Variants in SELE observed in about 807,000 individuals in gnomAD.
SELE encodes E-selectin.
A neutral mutation model predicts 75.8 loss-of-function variants in SELE; 52 were observed. The ratio of observed to expected loss-of-function variants is 0.69; its 90% CI spans 0.55 to 0.86. The LOEUF is 0.86. Among genes scored for constraint, SELE ranks in the 40% least tolerant of loss-of-function variants. SELE has a pLI of 0.00. For missense variants in SELE, 754 were observed against 732.7 expected (o/e 1.03, Z -0.34); for synonymous variants, 285 against 258.7 (o/e 1.10, Z -0.98).
rs1456706907 is a variant in SELE at position 169,729,637 on chromosome 1, C to G, written c.752G>C (p.Gly251Ala). The G allele has an allele frequency of 1.2e-6, 2 of 1,614,068 alleles. No individual in the cohort carries two copies. The highest frequency in any genetic ancestry group is 1.7e-6 in the Non-Finnish European group (2 of 1,179,984). Residue 251 changes from glycine (G) to alanine (A), a missense_variant, in exon 6 of 14, where the codon GGG becomes GCG. Transcript: ENST00000333360. The stretch of plus-strand genomic sequence containing the variant: ...AGGGTTTTGGAAACATTCCACGAAC[C>G]CATTGGCTGGATTTGTCACAGCATC... Reference protein sequence around the residue: ...ECDAVTNPANGFVECFQNPGS... With the variant: ...ECDAVTNPANAFVECFQNPGS...
chr1:169,725,319 G>C (rs1391548356), intron 13 of SELE, among the ~76,000 whole-genome samples: 1 of 151,668 alleles, frequency 6.6e-6, no homozygotes, highest in Non-Finnish European at 1.5e-5. Flanking sequence ...GGAGGTGGAG[G>C]TTGCAGTGAG....
chr1:169,726,041 A>C (rs909679687), intron 11 of SELE, 113 bp from the exon 12 acceptor site: 3 of 1,198,334 alleles, frequency 2.5e-6, no homozygotes, highest in Middle Eastern at 2.6e-4. Context: ...TCGATGCTTC[A>C]GGGCCTCTGT....
chr1:169,733,915 T>G, intron 1 of SELE, 56 bp downstream of exon 1: 1 of 405,632 alleles, frequency 2.5e-6, no homozygotes, highest in Non-Finnish European at 4.5e-6. Context: ...AGAAGGCCTT[T>G]TGCATATCTG....
intron 11 of SELE, among the ~76,000 whole-genome samples, chr1:169,726,321 C>T (rs1272090255): frequency 6.6e-6 from 1 of 152,156 alleles, no homozygotes; most frequent in Non-Finnish European, 1.5e-5. Context: ...AGATGTGCTT[C>T]CATATTCCTT....
Position 169,731,906 on chromosome 1 carries a change from T to C in SELE, c.458A>G (p.Glu153Gly). 6.2e-7 allele frequency: 1 copy of C among 1,613,782 alleles called. No individual in the cohort carries two copies. Among genetic ancestry groups the C allele is most frequent in the Non-Finnish European group, 8.5e-7 (1 of 1,179,758 alleles). The change falls in exon 4 of 14, where the codon GAA becomes GGA. Residue 153 changes from glutamate (E) to glycine (G), a missense_variant. Coordinates refer to ENST00000333360, the MANE Select transcript of SELE (RefSeq NM_000450.2). ...GTAATTATTGATGGTCTCTACACAT[T>C]CACCGTGGCCACTGCAGGATGTATT... is the stretch of plus-strand genomic sequence containing the variant. ...CTNTSCSGHGECVETINNYTC... is the reference protein window; with the variant it reads ...CTNTSCSGHGGCVETINNYTC...
In SELE at chr1:169,723,211, C is replaced by T. The variant is rs1363985088; in HGVS notation, c.*1314G>A. The stretch of plus-strand genomic sequence containing the variant: ...AAATAAACATAAATGCTTGCTCACA[C>T]AGGCATTCCTCTCTTCCAGAGCACC... On this transcript the variant is annotated 3_prime_UTR_variant, in exon 14 of 14. Transcript: ENST00000333360. The T allele has an allele frequency of 6.6e-6, 1 of 152,230 alleles. No individual in the cohort carries two copies. Among genetic ancestry groups the T allele is most frequent in the African/African-American group, 2.4e-5 (1 of 41,468 alleles). The allele number at this position is 152,230 out of a possible 1,614,324, so 9.4% of individuals were successfully genotyped here. A position where few individuals can be genotyped will look rare whatever the true frequency, so the allele number is the denominator to read the frequency against.
chr1:169,727,827 G>A lies in SELE; in HGVS notation c.1380C>T (p.Ser460=). The A allele has an allele frequency of 6.2e-7, 1 of 1,614,094 alleles. No individual in the cohort carries two copies. Among genetic ancestry groups the A allele is most frequent in the African/African-American group, 1.3e-5 (1 of 75,022 alleles). The change falls in exon 9 of 14, where the codon AGC becomes AGT. Residue 460 remains serine, a synonymous_variant. Coordinates refer to ENST00000333360, the MANE Select transcript of SELE (RefSeq NM_000450.2). ...CATGTAATTCAAATCCCTCCTCACAGCTGAAGGCACAAGAGGACTTGTAGG... is the reference window on the plus strand; with the variant it reads ...CATGTAATTCAAATCCCTCCTCACAACTGAAGGCACAAGAGGACTTGTAGG... ...EFTYKSSCAF[S]CEEGFELHGS...
chr1:169,729,118 T>A, intron 7 of SELE, 68 bp downstream of exon 7: 2 of 1,432,390 alleles, frequency 1.4e-6, no homozygotes, highest in Non-Finnish European at 1.9e-6. Context: ...TTGGTTTTTT[T>A]TTTCACTGTC....
Position 169,729,386 on chromosome 1 carries a change from A to G in SELE, c.902-12T>C, listed in dbSNP as rs1443836906. On this transcript the variant is annotated splice_polypyrimidine_tract_variant and intron_variant, in intron 6 of 13. Transcript: ENST00000333360. ...CCTGCATGTCACAGCTGTAACAAAT[A>G]TACGCATTGATATTAGCACGGCCTA... The G allele has an allele frequency of 6.2e-7, 1 of 1,612,396 alleles. No individual in the cohort carries two copies. Among genetic ancestry groups the G allele is most frequent in the Non-Finnish European group, 8.5e-7 (1 of 1,178,994 alleles).
At position 169,727,395 on chromosome 1, in the gene SELE, T is replaced by C. The variant is rs1648801318; in HGVS notation, c.1599A>G (p.Thr533=). ...GWTLNGSAAR[T]CGATGHWSGL... ...CAGACCAGTGTCCTGTGGCTCCACA[T>C]GTCCGAGCTGCAGAGCCATTGAGCG... The change falls in exon 10 of 14, where the codon ACA becomes ACG. Residue 533 remains threonine, a synonymous_variant. Transcript: ENST00000333360. The C allele has an allele frequency of 1.2e-6, 2 of 1,614,178 alleles. No individual in the cohort carries two copies. Among genetic ancestry groups the C allele is most frequent in the Non-Finnish European group, 8.5e-7 (1 of 1,180,020 alleles).
rs1205621936 is a variant in SELE, at chr1:169,724,307, A to G, written c.*218T>C. 6.6e-6 allele frequency: 1 copy of G among 152,182 alleles called. No homozygotes were observed. The highest frequency in any genetic ancestry group is 1.5e-5 in the Non-Finnish European group (1 of 68,044). 9.4% of individuals were successfully genotyped at this position (152,182 alleles called of 1,614,324 possible). On this transcript the variant is annotated 3_prime_UTR_variant, in exon 14 of 14. Coordinates refer to ENST00000333360, the MANE Select transcript of SELE (RefSeq NM_000450.2). ...TAGCCAACACTTTCTTGATCCTGAG[A>G]GTAGGAAAGGGAACACTGAGTCTTT...
At chr1:169,731,373 T>C (rs1206460306) in intron 4 of SELE, 3 of 154,486 alleles carry the variant, frequency 1.9e-5, no homozygotes, top group African/African-American at 7.2e-5. Context: ...ACTTGCTCCA[T>C]GCTACACGGC....
Position 169,730,472 on chromosome 1 carries a change from CAT to C in SELE, c.673_674del (p.Met225ValfsTer16). ...TAGGAGCACTCCATTCTCCAGAGGACATACACTGCATGGTCTCCATGCTGCTT... is the reference window on the plus strand; with the variant it reads ...TAGGAGCACTCCATTCTCCAGAGGACACACTGCATGGTCTCCATGCTGCTT... ...LPSSMETMQC[M>X]SSGEWSAPIP... On this transcript the variant is annotated frameshift_variant, in exon 5 of 14. Transcript: ENST00000333360. LOFTEE classifies it high-confidence loss of function. 6.2e-7 allele frequency: 1 copy of C among 1,614,036 alleles called. No homozygotes were observed. The highest frequency in any genetic ancestry group is 8.5e-7 in the Non-Finnish European group (1 of 1,179,944).
rs1648687035 is a variant in SELE at position 169,724,021 on chromosome 1, C to G, written c.*504G>C. 1 of 152,220 alleles carries G rather than the reference C, an allele frequency of 6.6e-6. No individual in the cohort carries two copies. The highest frequency in any genetic ancestry group is 2.1e-4 in the South Asian group (1 of 4,830). The allele number at this position is 152,220 out of a possible 1,614,324, so 9.4% of individuals were successfully genotyped here. On this transcript the variant is annotated 3_prime_UTR_variant, in exon 14 of 14. Transcript: ENST00000333360. ...CATGCATTTGCCTGTGGGCATTCAA[C>G]ATCTGTCATTTTTTTAAGTTATAAT...
Position 169,728,211 on chromosome 1 carries a change from C to G in SELE, c.1126G>C (p.Gly376Arg), listed in dbSNP as rs770577858. The change falls in exon 8 of 14, where the codon GGC becomes CGC. Residue 376 changes from glycine to arginine, a missense_variant. Transcript: ENST00000333360. ...QCTALSNPER[G>R]YMNCLPSASG... is the part of the protein sequence containing the mutation. ...GCACTAGGAAGACAATTCATGTAGC[C>G]TCGCTCGGGGTTGGACAAGGCTGTG... The G allele has an allele frequency of 6.2e-7, 1 of 1,614,106 alleles. No homozygotes were observed. The highest frequency in any genetic ancestry group is 8.5e-7 in the Non-Finnish European group (1 of 1,179,994).
chr1:169,728,649 T>C (rs1486493137), intron 7 of SELE, among the ~76,000 whole-genome samples: 1 of 152,246 alleles, frequency 6.6e-6, no homozygotes. Context: ...CTACTGGAAA[T>C]CATTCTGTGC....
At position 169,729,716 on chromosome 1, in the gene SELE, T is replaced by C. The variant is rs375476771; in HGVS notation, c.716-43A>G. 1.8e-5 allele frequency: 28 copies of C among 1,589,976 alleles called. No homozygotes were observed. The African/African-American group carries it at 3.6e-4, about 21-fold the overall frequency. Reference sequence around the variant, plus strand: ...CACCATGAATTTTACAGAAGAATGATCTTTTCACTTCCTATTGAGCTGGGT... The same window carrying C: ...CACCATGAATTTTACAGAAGAATGACCTTTTCACTTCCTATTGAGCTGGGT... On this transcript the variant is annotated intron_variant, in intron 5 of 13. Transcript: ENST00000333360.
At position 169,724,200 on chromosome 1, in the gene SELE, G is replaced by A. The variant is rs1344873784; in HGVS notation, c.*325C>T. 1 of 152,206 alleles carries A rather than the reference G, an allele frequency of 6.6e-6. No homozygotes were observed. Among genetic ancestry groups the A allele is most frequent in the Non-Finnish European group, 1.5e-5 (1 of 68,034 alleles). The allele number at this position is 152,206 out of a possible 1,614,324, so 9.4% of individuals were successfully genotyped here. On this transcript the variant is annotated 3_prime_UTR_variant, in exon 14 of 14. Coordinates refer to ENST00000333360, the MANE Select transcript of SELE (RefSeq NM_000450.2). Reference sequence around the variant, plus strand: ...GTGCCAAGATTTTACAGCGAGCAAGGGAGAGTTAGAAAAGGAATTCTGAGA... The same window carrying A: ...GTGCCAAGATTTTACAGCGAGCAAGAGAGAGTTAGAAAAGGAATTCTGAGA...
intron 10 of SELE, among the ~76,000 whole-genome samples, chr1:169,727,093 C>T (rs956283763): frequency 2.6e-5 from 4 of 152,182 alleles, no homozygotes; most frequent in Non-Finnish European, 5.9e-5. Flanking sequence ...CTCTCTTGCT[C>T]TCACTCCCTC....
Sources: gnomAD v4.1 joint callset for allele counts (sites outside exome capture counted in the v4.1 genomes callset) on GRCh38, gnomAD v4.1.1 for gene constraint, MANE v1.5 for transcripts, NCBI Gene and HGNC (gene_info 2026-07-23, HGNC 2026-07-21) for gene names.